The following MEI1 variants were observed in gnomAD, a reference collection of about 807,000 sequenced individuals.
MEI1 encodes the protein meiosis inhibitor protein 1.
MEI1 carries 103 observed loss-of-function variants against 146.2 expected under a neutral mutation model. That is an observed-to-expected ratio of 0.70 (90% CI 0.60 to 0.83). The LOEUF (loss-of-function observed/expected upper bound fraction) is 0.83. Among genes scored for constraint, MEI1 ranks in the 40% least tolerant of loss-of-function variants. The probability of loss-of-function intolerance (pLI) is 0.00; values close to 1 mark genes in which losing one functional copy is unlikely to be tolerated. For missense variants in MEI1, 1,529 were observed against 1,533.0 expected (o/e 1.00, Z 0.04); for synonymous variants, 652 against 628.2 (o/e 1.04, Z -0.57).
At chr22:41,775,650 G>A (rs2075401165) in intron 20 of MEI1, among the ~76,000 whole-genome samples, 1 of 149,174 alleles carries the variant, frequency 6.7e-6, no homozygotes, top group Non-Finnish European at 1.5e-5. Flanking sequence ...CTAGAGTGCA[G>A]TAGTGCGATC....
intron 11 of MEI1, among the ~76,000 whole-genome samples, chr22:41,741,535 G>GTGT (rs756232389): frequency 2.6e-5 from 4 of 152,164 alleles, no homozygotes; most frequent in Non-Finnish European, 1.5e-5. Context: ...TGGGCCTTAG[G>GTGT]TGTTACCTGT....
chr22:41,727,754 C>G (rs1448953334), intron 7 of MEI1, among the ~76,000 whole-genome samples: 3 of 152,080 alleles, frequency 2.0e-5, no homozygotes, highest in African/African-American at 4.8e-5. Context: ...TCTGGTGGAA[C>G]CAACACAAGC....
chr22:41,781,660 G>T (rs754971164), intron 23 of MEI1, 25 bp from the exon 24 acceptor site: 1 of 1,608,634 alleles, frequency 6.2e-7, no homozygotes, highest in East Asian at 2.2e-5. Flanking sequence ...ACTCCTGTGG[G>T]CCCTGCCTTG....
chr22:41,710,881 T>A (rs1326586064), intron 3 of MEI1, among the ~76,000 whole-genome samples: 13 of 152,210 alleles, frequency 8.5e-5, no homozygotes. Context: ...ATAGCAGTAA[T>A]CAATTTAGCC....
chr22:41,761,526 G>A (rs1225945772), intron 18 of MEI1, among the ~76,000 whole-genome samples: 1 of 151,982 alleles, frequency 6.6e-6, no homozygotes, highest in Non-Finnish European at 1.5e-5. Flanking sequence ...GTGTTAGCCA[G>A]GATGGTCTGG....
At chr22:41,709,392 A>T in intron 3 of MEI1, 1 of 714,730 alleles carries the variant, frequency 1.4e-6, no homozygotes, top group South Asian at 1.4e-5. Flanking sequence ...TTGGAGGAGC[A>T]GATTTTGCAG....
intron 15 of MEI1, among the ~76,000 whole-genome samples, chr22:41,748,819 T>C (rs2073526791): frequency 2.0e-5 from 3 of 151,722 alleles, no homozygotes; most frequent in Non-Finnish European, 4.4e-5. Flanking sequence ...TTTTTTTTTG[T>C]CTGAGATTGA....
At chr22:41,775,139 G>A (rs1023906206) in intron 20 of MEI1, among the ~76,000 whole-genome samples, 2 of 152,196 alleles carry the variant, frequency 1.3e-5, no homozygotes, top group African/African-American at 2.4e-5. Context: ...GCAGCTTTCT[G>A]ACTGGCTTTG....
intron 26 of MEI1, among the ~76,000 whole-genome samples, chr22:41,793,358 G>A (rs1339362521): frequency 6.6e-6 from 1 of 151,448 alleles, no homozygotes; most frequent in Non-Finnish European, 1.5e-5. Flanking sequence ...TGGAGTGCAA[G>A]TGGTGCAATC....
Position 41,730,587 on chromosome 22 carries a change from C to G in MEI1, c.1046C>G (p.Thr349Arg). The G allele has an allele frequency of 6.2e-7, 1 of 1,613,880 alleles. No individual in the cohort carries two copies. Among genetic ancestry groups the G allele is most frequent in the Non-Finnish European group, 8.5e-7 (1 of 1,179,796 alleles). Residue 349 changes from threonine to arginine, a missense_variant, in exon 9 of 31, where the codon ACA becomes AGA. This residue lies in a region of MEI1 where 1,212 missense variants were observed against 1,178.9 expected (regional missense o/e 1.03). Transcript: ENST00000401548. Reference protein sequence around the residue: ...VLVWSSCNCLTLLVEEPLFFS... With the variant: ...VLVWSSCNCLRLLVEEPLFFS... ...GTCTGGTCCAGCTGTAACTGCTTGA[C>G]ACTCCTGGTAGAAGAGCCACTCTTT...
intron 26 of MEI1, among the ~76,000 whole-genome samples, chr22:41,792,248 C>T (rs752504601): frequency 9.2e-5 from 14 of 152,164 alleles, no homozygotes; most frequent in Non-Finnish European, 1.9e-4. Flanking sequence ...ACCTCTGGGC[C>T]AAAGCAGCCT....
chr22:41,786,825 A>G (rs907560893), intron 26 of MEI1, among the ~76,000 whole-genome samples: 7 of 152,154 alleles, frequency 4.6e-5, no homozygotes, highest in Non-Finnish European at 1.0e-4. Flanking sequence ...AAGCATGTCT[A>G]CCTCCAAGGG....
At chr22:41,774,043 A>G (rs2075321638) in intron 20 of MEI1, 1 of 152,170 alleles carries the variant, frequency 6.6e-6, no homozygotes, top group Non-Finnish European at 1.5e-5. Flanking sequence ...AACAGCTGAA[A>G]ACAAAGCTGT....
intron 14 of MEI1, among the ~76,000 whole-genome samples, chr22:41,746,685 A>G (rs1360407031): frequency 6.6e-6 from 1 of 152,166 alleles, no homozygotes; most frequent in Non-Finnish European, 1.5e-5. Flanking sequence ...TGGGCATCCT[A>G]TGAGCCTGTG....
Position 41,795,317 on chromosome 22 carries a change from G to T in MEI1, c.3535-94G>T, listed in dbSNP as rs2076322646. The stretch of plus-strand genomic sequence containing the variant: ...AGGCAGGCAGGTTCTGTGGGCTTCA[G>T]GACAGTGTCTCCTAAAGTTGGGGCA... On this transcript the variant is annotated intron_variant, in intron 28 of 30. Coordinates refer to ENST00000401548, the MANE Select transcript of MEI1 (RefSeq NM_152513.4). This position sits in a 1 kb window ranked among gnomAD's most constrained non-coding sequence, Gnocchi z 4.2. 4.5e-6 allele frequency: 7 copies of T among 1,540,484 alleles called. 1 individual carries two copies. In the Admixed American group the frequency reaches 7.0e-5, roughly 15 times the overall value.
intron 13 of MEI1, among the ~76,000 whole-genome samples, 177 bp from the exon 14 acceptor site, chr22:41,745,708 T>G (rs995615357): frequency 2.0e-5 from 3 of 152,016 alleles, no homozygotes; most frequent in Non-Finnish European, 2.9e-5. Flanking sequence ...TCTGGAGAGA[T>G]AGCCAGGGAT....
intron 11 of MEI1, among the ~76,000 whole-genome samples, chr22:41,732,995 G>A (rs2071997878): frequency 6.6e-6 from 1 of 151,770 alleles, no homozygotes; most frequent in Non-Finnish European, 1.5e-5. Flanking sequence ...TGGCCAGGCT[G>A]GTCTCGAACG....
At chr22:41,748,259 C>A in intron 15 of MEI1, 41 bp downstream of exon 15, 1 of 1,288,108 alleles carries the variant, frequency 7.8e-7, no homozygotes, top group Non-Finnish European at 1.1e-6. Context: ...GGGAGGCAAG[C>A]ACCTTAGGCA....
chr22:41,728,832 G>A (rs1334272852), intron 7 of MEI1, among the ~76,000 whole-genome samples: 2 of 150,402 alleles, frequency 1.3e-5, no homozygotes, highest in African/African-American at 2.5e-5. Context: ...CTGCACTACA[G>A]CCTGGGTGAT....
Sources: allele counts gnomAD v4.1 joint callset (sites outside exome capture counted in the v4.1 genomes callset), GRCh38; gene constraint gnomAD v4.1.1; regional missense constraint gnomAD v4.1.1; non-coding constraint Gnocchi (gnomAD v3.1); transcripts MANE v1.5; gene names NCBI Gene and HGNC (gene_info 2026-07-23, HGNC 2026-07-21).